The following DGKE variants were observed in gnomAD, a reference collection of about 807,000 sequenced individuals.
The protein encoded by DGKE is DAG kinase epsilon.
Under a neutral mutation model 70.0 loss-of-function variants are expected in DGKE, and 53 were observed. The observed-to-expected ratio is 0.76, with a 90% CI of 0.61 to 0.95. The LOEUF (loss-of-function observed/expected upper bound fraction) is 0.95, where lower values mean the gene tolerates loss of function less well. Among genes scored for constraint, DGKE ranks in the 40% least tolerant of loss-of-function variants. DGKE has a pLI of 0.00. For synonymous variants in DGKE, 291 were observed against 257.0 expected (o/e 1.13, Z -1.27); for missense variants, 655 against 706.9 (o/e 0.93, Z 0.83).
chr17:56,866,296 T>TA lies in DGKE; in HGVS notation c.*3507dup, dbSNP rs1293470212. The TA allele has an allele frequency of 2.0e-5, 3 of 152,186 alleles. No individual in the cohort carries two copies. Among genetic ancestry groups the TA allele is most frequent in the Non-Finnish European group, 4.4e-5 (3 of 68,032 alleles). The allele number at this position is 152,186 out of a possible 1,614,324, so 9.4% of individuals were successfully genotyped here. A position where few individuals can be genotyped will look rare whatever the true frequency, so the allele number is the denominator to read the frequency against. On this transcript the variant is annotated 3_prime_UTR_variant, in exon 12 of 12. Transcript: ENST00000284061. ...AGTATGGATTCCTGAGCCCAACCCT[T>TA]AACTTAATGATTCCCTGTCTCTGGA...
chr17:56,855,255 T>G (rs1383131180), intron 7 of DGKE, among the ~76,000 whole-genome samples: 4 of 152,170 alleles, frequency 2.6e-5, no homozygotes, highest in Admixed American at 2.6e-4. Context: ...GACAGACATT[T>G]AGTTCCATAA....
intron 2 of DGKE, among the ~76,000 whole-genome samples, chr17:56,842,152 A>G (rs1907023136): frequency 6.6e-6 from 1 of 152,234 alleles, no homozygotes; most frequent in South Asian, 2.1e-4. Context: ...AAACAAACGT[A>G]TACACTATAA....
rs760862333 is a variant in DGKE at position 56,862,798 on chromosome 17, G to A, written c.*7G>A. ...TATAAAGGCGACTGAATAGATGGAT[G>A]AGGGAGTGAAAACTTTGCATAGAAT... On this transcript the variant is annotated 3_prime_UTR_variant, in exon 12 of 12. Transcript: ENST00000284061. The A allele has an allele frequency of 2.6e-6, 4 of 1,533,040 alleles. No homozygotes were observed. The highest frequency in any genetic ancestry group is 3.5e-6 in the Non-Finnish European group (4 of 1,149,412). The allele number at this position is 1,533,040 out of a possible 1,614,324, so 95.0% of individuals were successfully genotyped here.
intron 11 of DGKE, 135 bp from the exon 12 acceptor site, chr17:56,862,476 TA>T: frequency 1.1e-6 from 1 of 944,450 alleles, no homozygotes; most frequent in East Asian, 2.7e-5. Context: ...AATCAATGAA[TA>T]AAAACATATT....
intron 7 of DGKE, among the ~76,000 whole-genome samples, chr17:56,856,166 A>G (rs369187922): frequency 6.6e-6 from 1 of 152,166 alleles, no homozygotes; most frequent in Admixed American, 6.6e-5. Context: ...TGGGACTAAT[A>G]GAAGCTGAGA....
At chr17:56,861,356 AAG>A (rs1378355890) in intron 9 of DGKE, among the ~76,000 whole-genome samples, 2 of 152,178 alleles carry the variant, frequency 1.3e-5, no homozygotes, top group Non-Finnish European at 2.9e-5. Context: ...TTTTTTACAT[AAG>A]AGTTTTTGGT....
Position 56,858,684 on chromosome 17 carries a change from T to A in DGKE, c.1284+19T>A. On this transcript the variant is annotated intron_variant, in intron 9 of 11. Coordinates refer to ENST00000284061, the MANE Select transcript of DGKE (RefSeq NM_003647.3). Reference sequence around the variant, plus strand: ...AGTTGAGGTAAGCTATTAACACTTTTTATTTTTTAAAGTTTTAGGTGGTCT... The same window carrying A: ...AGTTGAGGTAAGCTATTAACACTTTATATTTTTTAAAGTTTTAGGTGGTCT... The A allele has an allele frequency of 6.4e-7, 1 of 1,557,178 alleles. No homozygotes were observed. Among genetic ancestry groups the A allele is most frequent in the Non-Finnish European group, 8.7e-7 (1 of 1,146,906 alleles).
chr17:56,848,157 G>C, intron 5 of DGKE, 92 bp downstream of exon 5: 1 of 862,366 alleles, frequency 1.2e-6, no homozygotes, highest in Non-Finnish European at 1.5e-6. Flanking sequence ...TTGTTTTGTT[G>C]TTGTTGTTGT....
Position 56,844,161 on chromosome 17 carries a change from A to G in DGKE, c.607A>G (p.Lys203Glu). 1 of 1,534,146 alleles carries G rather than the reference A, an allele frequency of 6.5e-7. No homozygotes were observed. The highest frequency in any genetic ancestry group is 1.2e-5 in the South Asian group (1 of 80,208). Residue 203 changes from lysine (K) to glutamate (E), a missense_variant, in exon 3 of 12, where the codon AAA becomes GAA. Coordinates refer to ENST00000284061, the MANE Select transcript of DGKE (RefSeq NM_003647.3). The part of the protein sequence containing the change: ...TSINQMRKDK[K>E]TDYEVLASKL... The stretch of plus-strand genomic sequence containing the variant: ...CATTAATCAGATGCGTAAAGACAAA[A>G]AAACAGATTATGAAGTGGTAATTAG...
Position 56,869,552 on chromosome 17 carries a change from A to C in DGKE, c.*6761A>C, listed in dbSNP as rs1455408347. 1 of 152,222 alleles carries C rather than the reference A, an allele frequency of 6.6e-6. No individual in the cohort carries two copies. Among genetic ancestry groups the C allele is most frequent in the East Asian group, 1.9e-4 (1 of 5,198 alleles). 9.4% of individuals were successfully genotyped at this position (152,222 alleles called of 1,614,324 possible). A position where few individuals can be genotyped will look rare whatever the true frequency, so the allele number is the denominator to read the frequency against. On this transcript the variant is annotated 3_prime_UTR_variant, in exon 12 of 12. Transcript: ENST00000284061. ...CCATTTTTATAAAATTTTTGTAATA[A>C]AAATTCACTTGATCACTTGCCTGCT...
At chr17:56,837,296 AACAGGCCCT>A (rs1906689551) in intron 2 of DGKE, among the ~76,000 whole-genome samples, 1 of 151,864 alleles carries the variant, frequency 6.6e-6, no homozygotes, top group South Asian at 2.1e-4. Flanking sequence ...TCTTGGTTTT[AACAGGCCCT>A]ACAGGTCCTT....
rs1907501831 is a variant in DGKE at position 56,849,228 on chromosome 17, C to A, written c.1094C>A (p.Pro365His). The A allele has an allele frequency of 6.2e-7, 1 of 1,609,574 alleles. No homozygotes were observed. The highest frequency in any genetic ancestry group is 8.5e-7 in the Non-Finnish European group (1 of 1,178,834). Residue 365 changes from proline to histidine, a missense_variant, in exon 7 of 12, where the codon CCC becomes CAC. Transcript: ENST00000284061. ...TNKGYYNLRK[P>H]KEFTMNNYFS... ...AAAGGATACTACAACTTAAGAAAAC[C>A]CAAGGTATGTTGTTAGTGCCTCAGT...
At chr17:56,847,784 G>A in intron 4 of DGKE, 138 bp from the exon 5 acceptor site, 1 of 466,864 alleles carries the variant, frequency 2.1e-6, no homozygotes, top group South Asian at 5.6e-5. Context: ...AGTCTGGCAG[G>A]GTGCCTGGCA....
At position 56,834,999 on chromosome 17, in the gene DGKE, C is replaced by T. The variant is rs1906498319; in HGVS notation, c.204C>T (p.Phe68=). 3 of 1,612,588 alleles carry T rather than the reference C, an allele frequency of 1.9e-6. No homozygotes were observed. Among genetic ancestry groups the T allele is most frequent in the African/African-American group, 1.3e-5 (1 of 74,944 alleles). ...SKHGWRDTDL[F]SQPTYCCVCA... is the part of the protein sequence containing the mutation. ...ACGGGTGGCGCGACACGGACCTGTT[C>T]AGCCAGCCCACCTACTGCTGCGTGT... The change falls in exon 2 of 12, where the codon TTC becomes TTT. Residue 68 remains phenylalanine (F), a synonymous_variant. Transcript: ENST00000284061.
rs964309713 is a variant in DGKE at position 56,848,644 on chromosome 17, A to C, written c.889-52A>C. 140 of 1,575,264 alleles carry C rather than the reference A, an allele frequency of 8.9e-5. No homozygotes were observed. In the African/African-American group the frequency reaches 1.7e-3, roughly 19 times the overall value. ...TTATTAAATTTTACAAAATATTATT[A>C]CCCAGCAAATAGTCTGAGAGAAAAA... On this transcript the variant is annotated intron_variant, in intron 5 of 11. Coordinates refer to ENST00000284061, the MANE Select transcript of DGKE (RefSeq NM_003647.3).
rs1273509759 is a variant in DGKE at position 56,863,891 on chromosome 17, A to G, written c.*1100A>G. The G allele has an allele frequency of 6.6e-6, 1 of 152,200 alleles. No homozygotes were observed. Among genetic ancestry groups the G allele is most frequent in the Non-Finnish European group, 1.5e-5 (1 of 68,036 alleles). 9.4% of individuals were successfully genotyped at this position (152,200 alleles called of 1,614,324 possible). A position where few individuals can be genotyped will look rare whatever the true frequency, so the allele number is the denominator to read the frequency against. ...TAGCTTTATTTAATAAGTTAAATTG[A>G]TCACATAAATTCTGCTAGTCACAAT... On this transcript the variant is annotated 3_prime_UTR_variant, in exon 12 of 12. Coordinates refer to ENST00000284061, the MANE Select transcript of DGKE (RefSeq NM_003647.3).
intron 9 of DGKE, among the ~76,000 whole-genome samples, chr17:56,860,236 G>A (rs1181271731): frequency 1.3e-5 from 2 of 152,194 alleles, no homozygotes; most frequent in East Asian, 3.8e-4. Context: ...AGTCTAGGGT[G>A]AAGAAAGATA....
At chr17:56,853,558 T>A (rs1306671186) in intron 7 of DGKE, among the ~76,000 whole-genome samples, 1 of 152,220 alleles carries the variant, frequency 6.6e-6, no homozygotes, top group East Asian at 1.9e-4. Context: ...GATGAGACTC[T>A]CCTTTCCCTA....
In DGKE at chr17:56,868,043, G is replaced by T. The variant is rs538381058; in HGVS notation, c.*5252G>T. On this transcript the variant is annotated 3_prime_UTR_variant, in exon 12 of 12. Transcript: ENST00000284061. ...CATCAACACAGAATGCACTAAACAG[G>T]AAATAAGCTGTAATCTAGAGAATTT... 1 of 152,248 alleles carries T rather than the reference G, an allele frequency of 6.6e-6. No homozygotes were observed. The highest frequency in any genetic ancestry group is 1.5e-5 in the Non-Finnish European group (1 of 68,046). 9.4% of individuals were successfully genotyped at this position (152,248 alleles called of 1,614,324 possible).
Sources: gnomAD v4.1 joint callset for allele counts (sites outside exome capture counted in the v4.1 genomes callset) on GRCh38, gnomAD v4.1.1 for gene constraint, MANE v1.5 for transcripts, NCBI Gene and HGNC (gene_info 2026-07-23, HGNC 2026-07-21) for gene names.